The following VWA8 variants were observed in gnomAD, a reference collection of about 807,000 sequenced individuals.
VWA8 encodes von Willebrand factor A domain-containing protein 8.
In VWA8, 221 loss-of-function variants were observed where a neutral mutation model predicts 241.5. The ratio of observed to expected loss-of-function variants is 0.91; its 90% CI spans 0.82 to 1.02. The LOEUF (loss-of-function observed/expected upper bound fraction) is 1.02. Among genes scored for constraint, VWA8 ranks in the 50% least tolerant of loss-of-function variants. The pLI is 0.00. For missense variants in VWA8, 2,322 were observed against 2,328.7 expected, an observed-to-expected ratio of 1.00 and a Z score of 0.06; for synonymous variants, 852 against 827.1, an observed-to-expected ratio of 1.03 and a Z score of -0.52.
chr13:41,833,663 CT>C lies in VWA8; in HGVS notation c.1426-133del, dbSNP rs1871585032. 1.3e-5 allele frequency: 14 copies of C among 1,100,762 alleles called. 1 individual carries two copies. The South Asian group carries it at 1.3e-4, about 11-fold the overall frequency. 68.2% of individuals were successfully genotyped at this position (1,100,762 alleles called of 1,614,324 possible). A position where few individuals can be genotyped will look rare whatever the true frequency, so the allele number is the denominator to read the frequency against. On this transcript the variant is annotated intron_variant, in intron 12 of 44. Coordinates refer to ENST00000379310, the MANE Select transcript of VWA8 (RefSeq NM_015058.2). Reference sequence around the variant, plus strand: ...TTCCATATAGTAACAGAGAAGTCATCTTCTCCAATTCCTAAAACGAAAGCTC... The same window carrying C: ...TTCCATATAGTAACAGAGAAGTCATCTCTCCAATTCCTAAAACGAAAGCTC...
chr13:41,714,613 T>C (rs2045337287), intron 26 of VWA8, among the ~76,000 whole-genome samples: 1 of 152,008 alleles, frequency 6.6e-6, no homozygotes, highest in Non-Finnish European at 1.5e-5. Context: ...TACAAAGTTT[T>C]CTAAGGTTTT....
At chr13:41,690,089 C>A in intron 33 of VWA8, 77 bp downstream of exon 33, 1 of 1,287,158 alleles carries the variant, frequency 7.8e-7, no homozygotes, top group Non-Finnish European at 1.1e-6. Flanking sequence ...GTGTTTTGTT[C>A]TTAAATGATT....
intron 9 of VWA8, among the ~76,000 whole-genome samples, chr13:41,876,099 T>C (rs1873885718): frequency 6.6e-6 from 1 of 152,060 alleles, no homozygotes; most frequent in African/African-American, 2.4e-5. Flanking sequence ...CTACTTCTTA[T>C]CAACATCACA....
At chr13:41,926,773 A>G in intron 2 of VWA8, 1 of 544,848 alleles carries the variant, frequency 1.8e-6, no homozygotes, top group Non-Finnish European at 3.7e-6. Flanking sequence ...GCATGGTAGA[A>G]GAACTTGAGA....
At chr13:41,636,880 A>G (rs1373689837) in intron 37 of VWA8, among the ~76,000 whole-genome samples, 3 of 152,146 alleles carry the variant, frequency 2.0e-5, no homozygotes, top group African/African-American at 7.2e-5. Flanking sequence ...ATCTCACACC[A>G]GTTAGAATGG....
intron 4 of VWA8, among the ~76,000 whole-genome samples, chr13:41,899,674 A>T (rs528229504): frequency 1.3e-5 from 2 of 152,288 alleles, no homozygotes; most frequent in South Asian, 4.1e-4. Context: ...GTACTATCAA[A>T]CTTTATAAAT....
intron 28 of VWA8, 122 bp downstream of exon 28, chr13:41,701,270 C>A: frequency 8.2e-7 from 1 of 1,225,604 alleles, no homozygotes; most frequent in Non-Finnish European, 1.1e-6. Flanking sequence ...TAATTGCTAT[C>A]CAATCCAAGA....
intron 17 of VWA8, among the ~76,000 whole-genome samples, chr13:41,795,700 A>T (rs1869662373): frequency 6.6e-6 from 1 of 152,226 alleles, no homozygotes; most frequent in Non-Finnish European, 1.5e-5. Context: ...AGGAACAGAG[A>T]TCCAAACACC....
intron 40 of VWA8, 112 bp from the exon 41 acceptor site, chr13:41,590,877 G>T: frequency 7.4e-7 from 1 of 1,344,122 alleles, no homozygotes; most frequent in Non-Finnish European, 1.0e-6. Context: ...AGTAAGTGAT[G>T]GTTCTGCATG....
At position 41,868,355 on chromosome 13, in the gene VWA8, C is replaced by T. The variant is rs1341862144; in HGVS notation, c.1203G>A (p.Val401=). 1.2e-6 allele frequency: 2 copies of T among 1,613,894 alleles called. No homozygotes were observed. The highest frequency in any genetic ancestry group is 3.3e-5 in the Admixed American group (2 of 59,976). Residue 401 remains valine (V), a synonymous_variant, in exon 10 of 45, where the codon GTG becomes GTA. Coordinates refer to ENST00000379310, the MANE Select transcript of VWA8 (RefSeq NM_015058.2). ...SVTIRIADKE[V]TIKVPAGTRL... The stretch of plus-strand genomic sequence containing the variant: ...ACCTGTGATTAATTACCTTAATGGT[C>T]ACCTCTTTATCTGCAATCCGGATGG...
At chr13:41,801,057 A>G (rs1869935385) in intron 17 of VWA8, among the ~76,000 whole-genome samples, 1 of 152,096 alleles carries the variant, frequency 6.6e-6, no homozygotes, top group South Asian at 2.1e-4. Context: ...CTAGCTTTCA[A>G]TATTCTCATA....
chr13:41,606,574 T>C (rs1418027769), intron 39 of VWA8, among the ~76,000 whole-genome samples: 6 of 152,208 alleles, frequency 3.9e-5, no homozygotes, highest in African/African-American at 9.6e-5. Flanking sequence ...GTTGGAGATA[T>C]GAATCCTAGG....
intron 37 of VWA8, among the ~76,000 whole-genome samples, chr13:41,639,354 C>T (rs1361611774): frequency 6.6e-6 from 1 of 152,146 alleles, no homozygotes; most frequent in Admixed American, 6.5e-5. Flanking sequence ...CAAGGAAAGC[C>T]ATTCTGCACA....
chr13:41,911,378 T>C lies in VWA8; in HGVS notation c.372+660A>G, dbSNP rs7983144. ...TGTGCCTGGTCAAGACTTGTAAATT[T>C]TCTTATTTGGGTTGAGATTTGAGCT... On this transcript the variant is annotated intron_variant, in intron 3 of 44. Coordinates refer to ENST00000379310, the MANE Select transcript of VWA8 (RefSeq NM_015058.2). Among the ~76,000 whole-genome samples, 277 of 152,256 alleles carry C rather than the reference T, an allele frequency of 1.8e-3. 4 individuals are homozygous for C. Among genetic ancestry groups the C allele is most frequent in the African/African-American group, 6.3e-3 (262 of 41,546 alleles).
chr13:41,778,990 T>C (rs1002148398), intron 19 of VWA8, among the ~76,000 whole-genome samples: 2 of 150,592 alleles, frequency 1.3e-5, no homozygotes, highest in Admixed American at 6.6e-5. Flanking sequence ...TACAGGTGCC[T>C]GCCACCACGC....
intron 37 of VWA8, among the ~76,000 whole-genome samples, chr13:41,663,620 A>G (rs1488973959): frequency 6.6e-6 from 1 of 151,954 alleles, no homozygotes; most frequent in African/African-American, 2.4e-5. Context: ...TTGACTTCCT[A>G]TTATGAAAGG....
chr13:41,583,141 C>T (rs2044394383), intron 42 of VWA8, among the ~76,000 whole-genome samples: 1 of 152,156 alleles, frequency 6.6e-6, no homozygotes, highest in African/African-American at 2.4e-5. Flanking sequence ...CATCTTACCT[C>T]CTTCCTGCCC....
chr13:41,780,814 C>A (rs1868855702), intron 19 of VWA8, among the ~76,000 whole-genome samples: 1 of 152,122 alleles, frequency 6.6e-6, no homozygotes, highest in Non-Finnish European at 1.5e-5. Context: ...CTACCACTCT[C>A]CTTTTATACT....
intron 43 of VWA8, 25 bp downstream of exon 43, chr13:41,575,715 T>C (rs1566373393): frequency 2.6e-6 from 4 of 1,544,316 alleles, no homozygotes; most frequent in Admixed American, 1.7e-5. Flanking sequence ...GCTTTCATAA[T>C]ACAGAGGTAA....
Sources: gnomAD v4.1 joint callset for allele counts (sites outside exome capture counted in the v4.1 genomes callset) on GRCh38, gnomAD v4.1.1 for gene constraint, MANE v1.5 for transcripts, NCBI Gene and HGNC (gene_info 2026-07-23, HGNC 2026-07-21) for gene names.